Variants in ATXN1 observed in about 807,000 individuals in gnomAD.
The protein encoded by ATXN1 is ataxin-1.
A neutral mutation model predicts 56.4 loss-of-function variants in ATXN1; 8 were observed. The ratio of observed to expected loss-of-function variants is 0.14; its 90% confidence interval spans 0.08 to 0.26. ATXN1 has a LOEUF of 0.26. ATXN1 is among the 10% of genes least tolerant of loss of function. The pLI is 1.00. For synonymous variants in ATXN1, 514 were observed against 494.6 expected (o/e 1.04, Z -0.52); for missense variants, 987 against 1,106.5 (o/e 0.89, Z 1.53).
At chr6:16,485,106 T>A (rs1465735600) in intron 6 of ATXN1, 2 of 152,146 alleles carry the variant, frequency 1.3e-5, no homozygotes, top group African/African-American at 2.4e-5. Context: ...TGTCATTTCC[T>A]AAAATTTGAA....
At chr6:16,712,714 G>GT (rs1759552504) in intron 2 of ATXN1, among the ~76,000 whole-genome samples, 1 of 109,154 alleles carries the variant, frequency 9.2e-6, no homozygotes, top group Admixed American at 9.7e-5. Context: ...CTCCGTTTTT[G>GT]CTTTTTTTTT....
intron 5 of ATXN1, among the ~76,000 whole-genome samples, chr6:16,509,123 T>A (rs1350741649): frequency 6.6e-6 from 1 of 151,870 alleles, no homozygotes; most frequent in Non-Finnish European, 1.5e-5. Flanking sequence ...AAGGGGGAAT[T>A]TATTGTCTAA....
At chr6:16,486,153 A>G (rs1333349824) in intron 5 of ATXN1, 44 bp from the exon 6 acceptor site, 1 of 152,232 alleles carries the variant, frequency 6.6e-6, no homozygotes, top group African/African-American at 2.4e-5. Flanking sequence ...AGGTAAACAC[A>G]TCATCAAATC....
chr6:16,386,216 C>T (rs992718865), intron 6 of ATXN1, among the ~76,000 whole-genome samples: 2 of 152,232 alleles, frequency 1.3e-5, no homozygotes, highest in African/African-American at 4.8e-5. Flanking sequence ...AAGTTTCCAT[C>T]AATCACTCCT....
intron 5 of ATXN1, among the ~76,000 whole-genome samples, chr6:16,507,034 G>A (rs919755342): frequency 1.3e-5 from 2 of 152,156 alleles, no homozygotes; most frequent in African/African-American, 2.4e-5. Context: ...TTAGAACACT[G>A]TCCTTCTTAC....
chr6:16,378,145 T>C (rs1561873028), intron 6 of ATXN1, among the ~76,000 whole-genome samples: 1 of 152,314 alleles, frequency 6.6e-6, no homozygotes, highest in African/African-American at 2.4e-5. Flanking sequence ...GTGGCCTTAT[T>C]CTTCAAAGCT....
chr6:16,453,867 G>A (rs1417038424), intron 6 of ATXN1, among the ~76,000 whole-genome samples: 4 of 152,096 alleles, frequency 2.6e-5, no homozygotes, highest in African/African-American at 9.7e-5. Flanking sequence ...GAAGCTGGGC[G>A]AGATGGCTCA....
chr6:16,387,903 A>T (rs1228862493), intron 6 of ATXN1, among the ~76,000 whole-genome samples: 1 of 152,206 alleles, frequency 6.6e-6, no homozygotes, highest in East Asian at 1.9e-4. Context: ...TCTTAACAAC[A>T]ACAACAATGA....
chr6:16,468,287 G>A (rs904769070), intron 6 of ATXN1, among the ~76,000 whole-genome samples: 5 of 152,318 alleles, frequency 3.3e-5, no homozygotes, highest in South Asian at 4.1e-4. Context: ...CCAGGTTCAC[G>A]CCATTCTCCC....
chr6:16,415,733 C>T (rs139550605), intron 6 of ATXN1, among the ~76,000 whole-genome samples: 5 of 152,280 alleles, frequency 3.3e-5, no homozygotes, highest in Middle Eastern at 3.4e-3. Flanking sequence ...GCCTGTCTGG[C>T]GAAGACAAAG....
chr6:16,627,793 A>C (rs1284336856), intron 3 of ATXN1, among the ~76,000 whole-genome samples: 1 of 152,124 alleles, frequency 6.6e-6, no homozygotes, highest in Non-Finnish European at 1.5e-5. Context: ...AAAGGAATAC[A>C]CATCACAACG....
Position 16,305,040 on chromosome 6 carries a change from T to C in ATXN1, c.*1289A>G, listed in dbSNP as rs1388906618. 1 of 152,680 alleles carries C rather than the reference T, an allele frequency of 6.5e-6. No homozygotes were observed. The highest frequency in any genetic ancestry group is 1.5e-5 in the Non-Finnish European group (1 of 68,046). 9.5% of individuals were successfully genotyped at this position (152,680 alleles called of 1,614,324 possible). A position where few individuals can be genotyped will look rare whatever the true frequency, so the allele number is the denominator to read the frequency against. On this transcript the variant is annotated 3_prime_UTR_variant, in exon 8 of 8. Coordinates refer to ENST00000436367, the MANE Select transcript of ATXN1 (RefSeq NM_001128164.2). ...AACCACATTGAAACTTTCAATATCT[T>C]GCTCTTCAGCAATTCTGCAGAGCTG...
At chr6:16,348,223 C>T (rs1561862279) in intron 6 of ATXN1, among the ~76,000 whole-genome samples, 1 of 152,198 alleles carries the variant, frequency 6.6e-6, no homozygotes, top group African/African-American at 2.4e-5. Context: ...GCCGCCACAT[C>T]TAGCTACATT....
At chr6:16,516,828 C>T (rs1761192126) in intron 5 of ATXN1, among the ~76,000 whole-genome samples, 1 of 152,224 alleles carries the variant, frequency 6.6e-6, no homozygotes, top group African/African-American at 2.4e-5. Context: ...CTCCTTGCCA[C>T]TTAATGAGAC....
chr6:16,303,158 C>T lies in ATXN1; in HGVS notation c.*3171G>A. ...GACACAGACCCCGAGGAGGGGCCTG[C>T]CCACTTGCAGAAAAGACCGTGGAAA... On this transcript the variant is annotated 3_prime_UTR_variant, in exon 8 of 8. Transcript: ENST00000436367. This position sits in a 1 kb window ranked among gnomAD's most constrained non-coding sequence, Gnocchi z 4.3. 1 of 153,024 alleles carries T rather than the reference C, an allele frequency of 6.5e-6. No individual in the cohort carries two copies. The highest frequency in any genetic ancestry group is 1.5e-5 in the Non-Finnish European group (1 of 68,238). 9.5% of individuals were successfully genotyped at this position (153,024 alleles called of 1,614,324 possible).
intron 6 of ATXN1, among the ~76,000 whole-genome samples, chr6:16,407,968 A>C (rs1013846219): frequency 6.6e-6 from 1 of 152,138 alleles, no homozygotes; most frequent in Non-Finnish European, 1.5e-5. Flanking sequence ...CTGTGTGAGG[A>C]AGGAACTGAC....
At position 16,538,855 on chromosome 6, in the gene ATXN1, C is replaced by A. The variant is rs949706067; in HGVS notation, c.-360-16167G>T. On this transcript the variant is annotated intron_variant, in intron 4 of 7. Transcript: ENST00000436367. ...CATGAGCCACCACACCTGGCTAATT[C>A]TTGTTTTTTCAGTAGAGACAGGGTT... Among the ~76,000 whole-genome samples the A allele has an allele frequency of 2.0e-5, 3 of 152,020 alleles. No homozygotes were observed. In the South Asian group the frequency reaches 6.2e-4, roughly 32 times the overall value.
At chr6:16,533,781 G>A (rs953074174) in intron 4 of ATXN1, among the ~76,000 whole-genome samples, 5 of 152,094 alleles carry the variant, frequency 3.3e-5, no homozygotes, top group Admixed American at 6.6e-5. Context: ...TAGGTGACTC[G>A]TTTGAAATGT....
At chr6:16,721,291 T>C (rs1336065686) in intron 2 of ATXN1, among the ~76,000 whole-genome samples, 1 of 152,234 alleles carries the variant, frequency 6.6e-6, no homozygotes, top group East Asian at 1.9e-4. Context: ...TGAAACATTA[T>C]TCCTTTTCAT....
Sources: allele counts gnomAD v4.1 joint callset (sites outside exome capture counted in the v4.1 genomes callset), GRCh38; gene constraint gnomAD v4.1.1; non-coding constraint Gnocchi (gnomAD v3.1); transcripts MANE v1.5; gene names NCBI Gene and HGNC (gene_info 2026-07-23, HGNC 2026-07-21).